The following MBOAT2 variants were observed in gnomAD, a reference collection of about 807,000 sequenced individuals.
MBOAT2 encodes the protein membrane bound glycerophospholipid O-acyltransferase 2.
MBOAT2 carries 28 observed loss-of-function variants against 63.4 expected under a neutral mutation model. The observed-to-expected ratio is 0.44, with a 90% CI of 0.33 to 0.61. The LOEUF (loss-of-function observed/expected upper bound fraction) is 0.61, where lower values mean the gene tolerates loss of function less well. Among genes scored for constraint, MBOAT2 ranks in the 20% least tolerant of loss-of-function variants. The pLI is 0.03. For synonymous variants in MBOAT2, 211 were observed against 215.6 expected (o/e 0.98, Z 0.19); for missense variants, 470 against 605.8 (o/e 0.78, Z 2.35).
chr2:8,969,581 T>C (rs976919107), intron 1 of MBOAT2, among the ~76,000 whole-genome samples: 1 of 152,106 alleles, frequency 6.6e-6, no homozygotes, highest in Admixed American at 6.6e-5. Context: ...ACTGGCAAAT[T>C]GGACAGAGTC....
intron 3 of MBOAT2, among the ~76,000 whole-genome samples, chr2:8,930,526 G>A (rs1293321474): frequency 3.3e-5 from 5 of 152,082 alleles, no homozygotes; most frequent in African/African-American, 1.2e-4. Flanking sequence ...TGTGAATAGT[G>A]CCACAATAAA....
intron 1 of MBOAT2, among the ~76,000 whole-genome samples, chr2:8,964,182 A>C (rs1178788528): frequency 1.3e-5 from 2 of 152,206 alleles, no homozygotes; most frequent in African/African-American, 4.8e-5. Context: ...TCCCACAAAG[A>C]GTAACTACCA....
At chr2:8,915,830 A>T (rs944506723) in intron 3 of MBOAT2, among the ~76,000 whole-genome samples, 5 of 152,180 alleles carry the variant, frequency 3.3e-5, no homozygotes, top group African/African-American at 4.8e-5. Context: ...ATCACTTTTT[A>T]TTATTCCTAC....
At chr2:8,944,556 A>C (rs1668271089) in intron 2 of MBOAT2, among the ~76,000 whole-genome samples, 1 of 152,118 alleles carries the variant, frequency 6.6e-6, no homozygotes, top group Non-Finnish European at 1.5e-5. Flanking sequence ...TTCCATAGAA[A>C]TATTATAAAC....
chr2:8,947,782 C>A (rs1668527000), intron 2 of MBOAT2, among the ~76,000 whole-genome samples: 1 of 152,168 alleles, frequency 6.6e-6, no homozygotes. Flanking sequence ...GACAATGTAC[C>A]TGATTATCCA....
At chr2:8,864,350 T>A in intron 9 of MBOAT2, 116 bp from the exon 10 acceptor site, 1 of 496,376 alleles carries the variant, frequency 2.0e-6, no homozygotes, top group Non-Finnish European at 3.4e-6. Flanking sequence ...GATGGTAGTA[T>A]AGTGATTTCT....
intron 2 of MBOAT2, among the ~76,000 whole-genome samples, chr2:8,954,618 G>A (rs1669080968): frequency 6.6e-6 from 1 of 152,206 alleles, no homozygotes; most frequent in Non-Finnish European, 1.5e-5. Context: ...TGCCATTCCA[G>A]ATGCTTGGAA....
intron 1 of MBOAT2, among the ~76,000 whole-genome samples, chr2:8,959,878 T>G (rs1428920297): frequency 6.6e-6 from 1 of 152,020 alleles, no homozygotes; most frequent in Non-Finnish European, 1.5e-5. Context: ...GCAAAAAAAA[T>G]ACATAACAAA....
chr2:8,998,631 T>C (rs770275132), intron 1 of MBOAT2, among the ~76,000 whole-genome samples: 2 of 150,808 alleles, frequency 1.3e-5, no homozygotes, highest in African/African-American at 2.4e-5. Flanking sequence ...GTTGGGAATA[T>C]ATAGAAAAGA....
At chr2:8,938,341 CCCACCAAGCT>C (rs1667805480) in intron 3 of MBOAT2, among the ~76,000 whole-genome samples, 1 of 152,030 alleles carries the variant, frequency 6.6e-6, no homozygotes, top group Non-Finnish European at 1.5e-5. Flanking sequence ...TCACCCCACC[CCCACCAAGCT>C]CATATGGTTG....
In MBOAT2 at chr2:8,994,423, G is replaced by A. The variant is rs540302487; in HGVS notation, c.75+9117C>T. 5.9e-5 allele frequency among the ~76,000 whole-genome samples: 9 copies of A among 152,298 alleles called. No homozygotes were observed. In the East Asian group the frequency reaches 1.2e-3, roughly 20 times the overall value. The stretch of plus-strand genomic sequence containing the variant: ...GGCAGTGGAGAGGGGCGAGGACCCC[G>A]CATGGGATCTTGCCATTAACTCCTT... On this transcript the variant is annotated intron_variant, in intron 1 of 12. Transcript: ENST00000305997.
intron 3 of MBOAT2, among the ~76,000 whole-genome samples, chr2:8,912,958 G>A (rs1665901703): frequency 6.6e-6 from 1 of 152,140 alleles, no homozygotes; most frequent in Non-Finnish European, 1.5e-5. Context: ...TAAGGCCATA[G>A]TCACAAAAAC....
intron 3 of MBOAT2, among the ~76,000 whole-genome samples, chr2:8,938,298 G>A (rs1379619057): frequency 6.6e-6 from 1 of 152,128 alleles, no homozygotes; most frequent in African/African-American, 2.4e-5. Context: ...AAAGGGAAAT[G>A]GCTGGGAAAG....
intron 3 of MBOAT2, among the ~76,000 whole-genome samples, chr2:8,930,728 G>A (rs933349644): frequency 7.7e-6 from 1 of 130,408 alleles, no homozygotes; most frequent in African/African-American, 2.8e-5. Flanking sequence ...GTGGGGGGAG[G>A]GGGGAGGGAT....
intron 12 of MBOAT2, 82 bp from the exon 13 acceptor site, chr2:8,858,986 G>A: frequency 1.0e-6 from 1 of 987,146 alleles, no homozygotes; most frequent in Non-Finnish European, 1.5e-6. Context: ...AATGTCACAT[G>A]GCCCACCTTA....
chr2:8,963,468 T>C (rs535809867), intron 1 of MBOAT2, among the ~76,000 whole-genome samples: 1 of 152,222 alleles, frequency 6.6e-6, no homozygotes, highest in Admixed American at 6.5e-5. Flanking sequence ...CACGCCCGGC[T>C]AATTTTTGTA....
At chr2:8,902,543 G>C (rs577029263) in intron 4 of MBOAT2, among the ~76,000 whole-genome samples, 1 of 151,898 alleles carries the variant, frequency 6.6e-6, no homozygotes, top group Non-Finnish European at 1.5e-5. Context: ...GCAGACCTTC[G>C]TGGTGACTGT....
At chr2:8,968,669 T>C (rs1439693644) in intron 1 of MBOAT2, among the ~76,000 whole-genome samples, 2 of 152,098 alleles carry the variant, frequency 1.3e-5, no homozygotes, top group Non-Finnish European at 2.9e-5. Flanking sequence ...ATAACCAGTG[T>C]AGAGAAGTCC....
chr2:8,954,698 T>C (rs1655708967), intron 2 of MBOAT2, among the ~76,000 whole-genome samples: 1 of 152,122 alleles, frequency 6.6e-6, no homozygotes, highest in South Asian at 2.1e-4. Context: ...CTGGGGTGGC[T>C]CAGGCTGCTG....
Sources: gnomAD v4.1 joint callset for allele counts (sites outside exome capture counted in the v4.1 genomes callset) on GRCh38, gnomAD v4.1.1 for gene constraint, MANE v1.5 for transcripts, NCBI Gene and HGNC (gene_info 2026-07-23, HGNC 2026-07-21) for gene names.